FHIT: variants seen among roughly 807,000 people sequenced by gnomAD.
FHIT encodes fragile histidine triad diadenosine triphosphatase, also known as bis(5'-adenosyl)-triphosphatase.
FHIT carries 19 observed loss-of-function variants against 17.9 expected under a neutral mutation model. The ratio of observed to expected loss-of-function variants is 1.06; its 90% confidence interval spans 0.74 to 1.56. The LOEUF (loss-of-function observed/expected upper bound fraction) is 1.56. FHIT is among the 40% of genes most tolerant of loss of function. The probability of loss-of-function intolerance (pLI) is 0.00; values close to 1 mark genes in which losing one functional copy is unlikely to be tolerated. For missense variants in FHIT, 248 were observed against 189.2 expected (o/e 1.31, Z -1.82); for synonymous variants, 81 against 69.7 (o/e 1.16, Z -0.81).
intron 8 of FHIT, among the ~76,000 whole-genome samples, chr3:59,870,854 GGCGTGTGTGTGTGTGTGT>G (rs894432461): frequency 5.6e-5 from 7 of 124,436 alleles, no homozygotes; most frequent in Non-Finnish European, 3.6e-5. Context: ...CATAGTAAAG[GGCGTGTGTGTGTGTGTGT>G]GCGTGTGTGT....
chr3:60,553,486 T>C (rs2036628661), intron 4 of FHIT: 1 of 219,230 alleles, frequency 4.6e-6, no homozygotes, highest in African/African-American at 3.0e-5. Context: ...ATATAAAAAT[T>C]ATATATATTT....
chr3:60,466,539 T>C (rs910603378), intron 5 of FHIT, among the ~76,000 whole-genome samples: 5 of 152,022 alleles, frequency 3.3e-5, no homozygotes, highest in Non-Finnish European at 5.9e-5. Context: ...TGTGTCAAGG[T>C]ATGTTCCTTC....
intron 4 of FHIT, among the ~76,000 whole-genome samples, chr3:60,563,706 C>T (rs1025411411): frequency 1.3e-5 from 2 of 152,206 alleles, no homozygotes; most frequent in African/African-American, 4.8e-5. Context: ...AAGCCAAAGC[C>T]TAATCCAGAG....
chr3:60,856,489 A>G (rs2106936663), intron 3 of FHIT: 1 of 152,234 alleles, frequency 6.6e-6, no homozygotes, highest in South Asian at 2.1e-4. Context: ...ACCAAGAACG[A>G]GCTTCGTGCT....
intron 2 of FHIT, among the ~76,000 whole-genome samples, chr3:61,163,444 A>G (rs1333926236): frequency 2.0e-5 from 3 of 152,174 alleles, no homozygotes; most frequent in Non-Finnish European, 4.4e-5. Flanking sequence ...ATTTGTTGTG[A>G]TGGGGTTCTT....
intron 2 of FHIT, among the ~76,000 whole-genome samples, chr3:61,198,907 TG>T (rs1157868420): frequency 6.5e-5 from 7 of 107,124 alleles, no homozygotes; most frequent in African/African-American, 2.7e-4. Context: ...ATGATGATGA[TG>T]ATGATGATGA....
intron 5 of FHIT, among the ~76,000 whole-genome samples, chr3:60,036,085 C>T (rs903288543): frequency 6.6e-6 from 1 of 152,190 alleles, no homozygotes; most frequent in African/African-American, 2.4e-5. Context: ...AAGTTAGGTG[C>T]TTAGTCCAAA....
intron 5 of FHIT, among the ~76,000 whole-genome samples, chr3:60,027,108 GAC>G (rs754046097): frequency 0.15 from 13,545 of 87,864 alleles, 848 homozygotes; most frequent in South Asian, 0.24. Flanking sequence ...TTCACACACA[GAC>G]ACACACACAC....
intron 3 of FHIT, among the ~76,000 whole-genome samples, chr3:60,894,677 CAA>C (rs55641632): frequency 2.0e-5 from 3 of 150,290 alleles, no homozygotes; most frequent in Middle Eastern, 3.4e-3. Flanking sequence ...CAAAACAAAA[CAA>C]AAAAAAACAA....
In FHIT at chr3:60,936,841, A is replaced by G. The variant is rs1575720141; in HGVS notation, c.-111+105206T>C. 2.6e-5 allele frequency among the ~76,000 whole-genome samples: 4 copies of G among 152,324 alleles called. No homozygotes were observed. In the East Asian group the frequency reaches 7.7e-4, roughly 29 times the overall value. On this transcript the variant is annotated intron_variant, in intron 3 of 9. Coordinates refer to ENST00000492590, the MANE Select transcript of FHIT (RefSeq NM_002012.4). The stretch of plus-strand genomic sequence containing the variant: ...AGGATAATTTTCATTTTTTAATACA[A>G]AGAAAGCAAAGAAAAAAAGGAAAGG...
intron 8 of FHIT, among the ~76,000 whole-genome samples, chr3:59,799,030 G>A (rs1391245940): frequency 6.6e-6 from 1 of 152,180 alleles, no homozygotes; most frequent in Non-Finnish European, 1.5e-5. Context: ...AAACCAAAGG[G>A]AAGCTGCACT....
rs1258664200 is a variant in FHIT, at chr3:61,111,941, T to G, written c.-163-69842A>C. On this transcript the variant is annotated intron_variant, in intron 2 of 9. Coordinates refer to ENST00000492590, the MANE Select transcript of FHIT (RefSeq NM_002012.4). ...CAGTCAACAGTTACTTAGCACTCAG[T>G]ACTTGCCAGCCTCTATGCGTGGTGC... is the stretch of plus-strand genomic sequence containing the variant. Among the ~76,000 whole-genome samples the G allele has an allele frequency of 2.0e-5, 3 of 152,184 alleles. No homozygotes were observed. The South Asian group carries it at 6.2e-4, about 31-fold the overall frequency.
chr3:61,147,217 G>C (rs1391754441), intron 2 of FHIT, among the ~76,000 whole-genome samples: 1 of 151,976 alleles, frequency 6.6e-6, no homozygotes, highest in Non-Finnish European at 1.5e-5. Flanking sequence ...TATTAATTAA[G>C]TCTCAAGGCA....
In FHIT at chr3:60,829,939, C is replaced by G. The variant is rs550122453; in HGVS notation, c.-110-7928G>C. Among the ~76,000 whole-genome samples, 3 of 149,264 alleles carry G rather than the reference C, an allele frequency of 2.0e-5. No individual in the cohort carries two copies. In the East Asian group the frequency reaches 5.9e-4, roughly 29 times the overall value. On this transcript the variant is annotated intron_variant, in intron 3 of 9. Coordinates refer to ENST00000492590, the MANE Select transcript of FHIT (RefSeq NM_002012.4). ...GAAATTTCTACTCATAAGGGTGTCT[C>G]CCTTTCTGTACCAGGAAGAGAAGGA... is the stretch of plus-strand genomic sequence containing the variant.
At position 61,122,584 on chromosome 3, in the gene FHIT, G is replaced by A. The variant is rs867852886; in HGVS notation, c.-164+78033C>T. On this transcript the variant is annotated intron_variant, in intron 2 of 9. Transcript: ENST00000492590. ...TGAACAGGCAACCTACAGAATGGGA[G>A]AAAGTTTTTGCAATCTATCCATCTG... Among the ~76,000 whole-genome samples, 4 of 152,282 alleles carry A rather than the reference G, an allele frequency of 2.6e-5. No individual in the cohort carries two copies. The Middle Eastern group carries it at 0.01, about 388-fold the overall frequency.
chr3:60,509,694 A>G (rs1200660322), intron 5 of FHIT, among the ~76,000 whole-genome samples: 1 of 152,192 alleles, frequency 6.6e-6, no homozygotes, highest in East Asian at 1.9e-4. Context: ...ACATTTTCAT[A>G]TTGCCTTCAC....
chr3:60,862,601 G>A (rs901880677), intron 3 of FHIT, among the ~76,000 whole-genome samples: 15 of 152,262 alleles, frequency 9.9e-5, no homozygotes, highest in African/African-American at 3.6e-4. Context: ...TGTAATACCA[G>A]CACTTTGGGA....
At chr3:60,712,510 G>C (rs571442031) in intron 4 of FHIT, among the ~76,000 whole-genome samples, 2 of 151,760 alleles carry the variant, frequency 1.3e-5, no homozygotes, top group Admixed American at 6.6e-5. Context: ...AGACCCATCA[G>C]TGTGCTGTAT....
At chr3:60,265,540 A>G (rs1251762244) in intron 5 of FHIT, among the ~76,000 whole-genome samples, 1 of 152,130 alleles carries the variant, frequency 6.6e-6, no homozygotes, top group Non-Finnish European at 1.5e-5. Context: ...AAGCACAAGC[A>G]ACGACAGCCA....
Sources: allele counts gnomAD v4.1 joint callset (sites outside exome capture counted in the v4.1 genomes callset), GRCh38; gene constraint gnomAD v4.1.1; transcripts MANE v1.5; gene names NCBI Gene and HGNC (gene_info 2026-07-23, HGNC 2026-07-21).